The following WWTR1 variants were observed in gnomAD, a reference collection of about 807,000 sequenced individuals.
The protein encoded by WWTR1 is WW domain containing transcription regulator 1.
WWTR1 carries 13 observed loss-of-function variants against 40.1 expected under a neutral mutation model. The ratio of observed to expected loss-of-function variants is 0.32; its 90% CI spans 0.21 to 0.52. WWTR1 has a LOEUF of 0.52. WWTR1 is among the 20% of genes least tolerant of loss of function. The pLI is 0.97. For synonymous variants in WWTR1, 230 were observed against 210.1 expected (o/e 1.09, Z -0.82); for missense variants, 436 against 523.1 (o/e 0.83, Z 1.63).
intron 1 of WWTR1, among the ~76,000 whole-genome samples, chr3:149,678,629 T>C (rs1714351251): frequency 6.6e-6 from 1 of 152,092 alleles, no homozygotes; most frequent in African/African-American, 2.4e-5. Context: ...GCTTACAGTA[T>C]CAATTTCTTT....
intron 2 of WWTR1, among the ~76,000 whole-genome samples, chr3:149,633,487 C>G (rs1017061190): frequency 2.0e-5 from 3 of 152,106 alleles, no homozygotes; most frequent in South Asian, 2.1e-4. Context: ...GTGAGGAAAC[C>G]AAGTAAAAAG....
rs557564169 is a variant in WWTR1, at chr3:149,721,314, G to C, written n.459+2766C>G. On this transcript the variant is annotated intron_variant and non_coding_transcript_variant, in intron 4 of 6. Coordinates refer to the WWTR1 transcript ENST00000474080. ...TTACTGAGCATTTTTACCATGAAAG[G>C]ATGTTGAATTTTGTCAAATGCTTTT... Among the ~76,000 whole-genome samples, 15 of 152,254 alleles carry C rather than the reference G, an allele frequency of 9.9e-5. No individual in the cohort carries two copies. In the South Asian group the frequency reaches 3.1e-3, roughly 32 times the overall value.
At chr3:149,537,787 T>C (rs1488607856) in intron 4 of WWTR1, among the ~76,000 whole-genome samples, 1 of 152,172 alleles carries the variant, frequency 6.6e-6, no homozygotes, top group Non-Finnish European at 1.5e-5. Context: ...TCTGTCCCCA[T>C]AGTTTTGCTT....
At chr3:149,680,020 T>C (rs1048826719) in intron 1 of WWTR1, among the ~76,000 whole-genome samples, 9 of 152,206 alleles carry the variant, frequency 5.9e-5, no homozygotes, top group African/African-American at 2.2e-4. Flanking sequence ...GGAAAGTTAC[T>C]TAACACTTCC....
chr3:149,586,119 CCTT>C (rs1176091735), intron 2 of WWTR1, among the ~76,000 whole-genome samples: 12 of 152,152 alleles, frequency 7.9e-5, no homozygotes, highest in Admixed American at 3.3e-4. Flanking sequence ...CAAACCCCAT[CCTT>C]CTTCATGAAA....
chr3:149,546,072 A>C (rs1736350719), intron 3 of WWTR1, among the ~76,000 whole-genome samples: 1 of 152,182 alleles, frequency 6.6e-6, no homozygotes, highest in African/African-American at 2.4e-5. Context: ...TCAGACTTGG[A>C]GAGGAGCTCT....
chr3:149,520,548 C>A lies in WWTR1; in HGVS notation c.*257G>T. Reference sequence around the variant, plus strand: ...AGAAAAGTATTCTGCATAATCAATCCTGCAGACACAATTCTGTATAATCTG... The same window carrying A: ...AGAAAAGTATTCTGCATAATCAATCATGCAGACACAATTCTGTATAATCTG... On this transcript the variant is annotated 3_prime_UTR_variant, in exon 7 of 7. Transcript: ENST00000360632. The A allele has an allele frequency of 3.0e-6, 1 of 332,520 alleles. No individual in the cohort carries two copies. Among genetic ancestry groups the A allele is most frequent in the Non-Finnish European group, 5.4e-6 (1 of 186,172 alleles). 20.6% of individuals were successfully genotyped at this position (332,520 alleles called of 1,614,324 possible).
intron 4 of WWTR1, among the ~76,000 whole-genome samples, chr3:149,534,856 T>C (rs1389115883): frequency 6.6e-6 from 1 of 152,150 alleles, no homozygotes; most frequent in African/African-American, 2.4e-5. Context: ...GGACGGGTGA[T>C]GTGTAAAATA....
chr3:149,544,796 A>C (rs1050578319), intron 3 of WWTR1, among the ~76,000 whole-genome samples: 2 of 152,224 alleles, frequency 1.3e-5, no homozygotes, highest in Non-Finnish European at 2.9e-5. Context: ...CACACACAGC[A>C]GGTCATCAAA....
intron 2 of WWTR1, among the ~76,000 whole-genome samples, chr3:149,595,153 G>A (rs977370190): frequency 1.3e-5 from 2 of 151,134 alleles, no homozygotes; most frequent in African/African-American, 4.9e-5. Context: ...GTAGAGACAG[G>A]GTTTCACCAT....
At chr3:149,614,107 T>C (rs1208035277) in intron 2 of WWTR1, among the ~76,000 whole-genome samples, 2 of 152,216 alleles carry the variant, frequency 1.3e-5, no homozygotes, top group Non-Finnish European at 2.9e-5. Context: ...AGATTTTACT[T>C]ATATTTCATC....
chr3:149,662,999 T>G (rs1441867723), upstream of WWTR1, among the ~76,000 whole-genome samples: 2 of 152,144 alleles, frequency 1.3e-5, no homozygotes, highest in African/African-American at 2.4e-5. Flanking sequence ...TTTCACTCTT[T>G]CCACATGTAA....
At chr3:149,645,084 ATT>A (rs879875367) in intron 2 of WWTR1, among the ~76,000 whole-genome samples, 6 of 113,740 alleles carry the variant, frequency 5.3e-5, no homozygotes, top group Admixed American at 3.6e-4. Flanking sequence ...TATTTTATTT[ATT>A]TTTTTTTTTT....
intron 2 of WWTR1, among the ~76,000 whole-genome samples, chr3:149,636,966 G>GAAAAAAAAAAA (rs397950107): frequency 4.6e-5 from 2 of 43,308 alleles, no homozygotes; most frequent in Admixed American, 3.8e-4. Flanking sequence ...TGTCTCAAGT[G>GAAAAAAAAAAA]AAAAAAAAAA....
intron 4 of WWTR1, among the ~76,000 whole-genome samples, chr3:149,535,947 A>C (rs1735811008): frequency 6.6e-6 from 1 of 152,148 alleles, no homozygotes; most frequent in Non-Finnish European, 1.5e-5. Flanking sequence ...TGGGAGGTGA[A>C]GGTTGCAGTG....
chr3:149,567,781 A>C (rs1737402339), intron 3 of WWTR1, among the ~76,000 whole-genome samples: 1 of 152,226 alleles, frequency 6.6e-6, no homozygotes, highest in African/African-American at 2.4e-5. Context: ...TTTACAGATA[A>C]GGAAAATGAG....
intron 4 of WWTR1, chr3:149,717,622 T>C (rs1027975566): frequency 6.6e-6 from 1 of 152,202 alleles, no homozygotes; most frequent in Non-Finnish European, 1.5e-5. Context: ...TTAAGATGTA[T>C]GCCCTCTGGT....
intron 5 of WWTR1, among the ~76,000 whole-genome samples, chr3:149,711,465 G>A (rs1715476714): frequency 6.6e-6 from 1 of 152,130 alleles, no homozygotes; most frequent in South Asian, 2.1e-4. Flanking sequence ...CATTTGTTTT[G>A]TGAGGTACTA....
Position 149,607,682 on chromosome 3 carries a change from C to T in WWTR1, c.432-34682G>A, listed in dbSNP as rs557716764. Among the ~76,000 whole-genome samples, 23 of 152,278 alleles carry T rather than the reference C, an allele frequency of 1.5e-4. No homozygotes were observed. In the South Asian group the frequency reaches 4.4e-3, roughly 29 times the overall value. On this transcript the variant is annotated intron_variant, in intron 2 of 6. Coordinates refer to ENST00000360632, the MANE Select transcript of WWTR1 (RefSeq NM_015472.6). Reference sequence around the variant, plus strand: ...CTAAAGTTTTAAATTGATTGAAGTACTTTCCAAATTAACTAATATAACTAA... The same window carrying T: ...CTAAAGTTTTAAATTGATTGAAGTATTTTCCAAATTAACTAATATAACTAA...
Sources: gnomAD v4.1 joint callset for allele counts (sites outside exome capture counted in the v4.1 genomes callset) on GRCh38, gnomAD v4.1.1 for gene constraint, MANE v1.5 for transcripts, NCBI Gene and HGNC (gene_info 2026-07-23, HGNC 2026-07-21) for gene names.